Variants in CLPTM1 observed in about 807,000 individuals in gnomAD.
CLPTM1 encodes putative lipid scramblase CLPTM1.
A neutral mutation model predicts 77.3 loss-of-function variants in CLPTM1; 21 were observed. The observed-to-expected ratio is 0.27, with a 90% confidence interval of 0.19 to 0.39. The LOEUF (loss-of-function observed/expected upper bound fraction) is 0.39, where lower values mean the gene tolerates loss of function less well. Ranked by LOEUF, CLPTM1 falls within the 10% of genes least tolerant of loss-of-function variation. The pLI, the probability that CLPTM1 is intolerant of heterozygous loss-of-function variation, is 1.00. For missense variants in CLPTM1, 642 were observed against 921.2 expected (o/e 0.70, Z 3.92); for synonymous variants, 373 against 381.0 (o/e 0.98, Z 0.24).
In CLPTM1 at chr19:44,990,367, C is replaced by G. The variant is rs1354558006; in HGVS notation, c.1133-28C>G. The stretch of plus-strand genomic sequence containing the variant: ...AGGGTCTCAGCACCTCCTCAGCCTC[C>G]TGGTTCCCCCCTACCCCCTGCGCAC... On this transcript the variant is annotated intron_variant, in intron 9 of 13. Coordinates refer to ENST00000337392, the MANE Select transcript of CLPTM1 (RefSeq NM_001294.4). The surrounding 1 kb of genome is among the most constrained non-coding windows in gnomAD (Gnocchi z 4.8). 6.2e-7 allele frequency: 1 copy of G among 1,608,196 alleles called. No individual in the cohort carries two copies.
intron 2 of CLPTM1, among the ~76,000 whole-genome samples, chr19:44,970,943 G>T (rs1043934067): frequency 2.1e-5 from 3 of 145,128 alleles, no homozygotes; most frequent in Non-Finnish European, 3.0e-5. Context: ...CGATTCTCCT[G>T]CCCCAGCTTC....
chr19:44,972,254 C>CTT (rs538662344), intron 2 of CLPTM1, among the ~76,000 whole-genome samples: 5 of 140,526 alleles, frequency 3.6e-5, no homozygotes, highest in Admixed American at 2.1e-4. Context: ...CTCATTCATT[C>CTT]TTTTTTTTTT....
Position 44,957,155 on chromosome 19 carries a change from T to C in CLPTM1, c.72+1688T>C, listed in dbSNP as rs79202172. Among the ~76,000 whole-genome samples, 622 of 152,360 alleles carry C rather than the reference T, an allele frequency of 4.1e-3. 6 individuals carry two copies. The highest frequency in any genetic ancestry group is 0.014 in the African/African-American group (594 of 41,584). ...TAAAGGGGATCCGCTGCTCTGAACC[T>C]ATTTTATTTCTAAACCTCTTTTATT... On this transcript the variant is annotated intron_variant, in intron 1 of 13. Transcript: ENST00000337392.
intron 4 of CLPTM1, among the ~76,000 whole-genome samples, chr19:44,976,332 C>T (rs141411488): frequency 8.5e-5 from 13 of 152,290 alleles, no homozygotes; most frequent in African/African-American, 2.6e-4. Context: ...ACTTAAAAGG[C>T]AGGAGAGCTG....
At position 44,992,089 on chromosome 19, in the gene CLPTM1, G is replaced by A. The variant is rs1971084995; in HGVS notation, c.1556-144G>A. On this transcript the variant is annotated intron_variant, in intron 12 of 13. Transcript: ENST00000337392. The surrounding 1 kb of genome is among the most constrained non-coding windows in gnomAD (Gnocchi z 7.7). ...AGAAGGCCCCACCAGTGCAGAGGCC[G>A]CTGGTAGAGTGTGCCCAGGTATAGG... is the stretch of plus-strand genomic sequence containing the variant. 1.3e-6 allele frequency: 1 copy of A among 759,120 alleles called. No individual in the cohort carries two copies. Among genetic ancestry groups the A allele is most frequent in the Non-Finnish European group, 2.1e-6 (1 of 468,292 alleles). The allele number at this position is 759,120 out of a possible 1,614,324, so 47.0% of individuals were successfully genotyped here. A position where few individuals can be genotyped will look rare whatever the true frequency, so the allele number is the denominator to read the frequency against.
rs150176722 is a variant in CLPTM1 at position 44,970,660 on chromosome 19, G to A, written c.186-2427G>A. Among the ~76,000 whole-genome samples, 19 of 146,498 alleles carry A rather than the reference G, an allele frequency of 1.3e-4. 2 individuals are homozygous for A. Among genetic ancestry groups the A allele is most frequent in the African/African-American group, 3.5e-4 (13 of 37,276 alleles). On this transcript the variant is annotated intron_variant, in intron 2 of 13. Transcript: ENST00000337392. ...AATCCACCTACCTCAGCCTCCCAGC[G>A]TGCTGGGGTTACAGGTGTGAGCCAC...
At chr19:44,954,895 G>C (rs1016857390), upstream of CLPTM1, 8 of 1,329,354 alleles carry the variant, frequency 6.0e-6, 1 homozygote, top group African/African-American at 8.8e-5. Context: ...CAGAAGACAA[G>C]GGTGCTGGGC....
At chr19:44,981,416 C>T (rs552364529) in intron 5 of CLPTM1, among the ~76,000 whole-genome samples, 3 of 150,476 alleles carry the variant, frequency 2.0e-5, no homozygotes, top group East Asian at 4.1e-4. Flanking sequence ...GTTGGGATTA[C>T]AGGCGTGAGC....
chr19:44,983,617 CAAAAAAAAAAAAAAAAAAA>C (rs35582067), intron 5 of CLPTM1, among the ~76,000 whole-genome samples: 5 of 39,790 alleles, frequency 1.3e-4, no homozygotes, highest in Admixed American at 4.6e-4. Context: ...GACTCTGTCT[CAAAAAAAAAAAAAAAAAAA>C]AAAAAAAAAG....
At chr19:44,982,996 G>A (rs1393640675) in intron 5 of CLPTM1, among the ~76,000 whole-genome samples, 1 of 151,992 alleles carries the variant, frequency 6.6e-6, no homozygotes, top group African/African-American at 2.4e-5. Context: ...AGGAGGCAGA[G>A]GTTACAGTGA....
At chr19:44,961,839 A>G (rs1600009584) in intron 1 of CLPTM1, 124 bp from the exon 2 acceptor site, 1 of 543,862 alleles carries the variant, frequency 1.8e-6, no homozygotes, top group Non-Finnish European at 3.2e-6. Context: ...TCACTGATTC[A>G]TTCTCCAGTT....
intron 2 of CLPTM1, among the ~76,000 whole-genome samples, chr19:44,970,703 A>G (rs1970703792): frequency 7.0e-6 from 1 of 142,660 alleles, no homozygotes; most frequent in African/African-American, 2.8e-5. Context: ...AGCCTAGGCC[A>G]GCATTTTTGT....
rs751016937 is a variant in CLPTM1 at position 44,974,495 on chromosome 19, G to A, written c.366G>A (p.Ser122=). 8 of 1,614,018 alleles carry A rather than the reference G, an allele frequency of 5.0e-6. No individual in the cohort carries two copies. The highest frequency in any genetic ancestry group is 5.1e-6 in the Non-Finnish European group (6 of 1,180,018). Residue 122 remains serine (S), a synonymous_variant, in exon 4 of 14, where the codon TCG becomes TCA. Transcript: ENST00000337392. ...HEHFTDFNAT[S]ALFWEQHDLV... is the part of the protein sequence containing the mutation. ...ACTTTACAGACTTCAACGCCACGTC[G>A]GCACTCTTCTGGGAACAGCACGATC...
At chr19:44,955,253 C>T (rs908264651), upstream of CLPTM1, 10 of 1,487,948 alleles carry the variant, frequency 6.7e-6, no homozygotes, top group African/African-American at 2.8e-5. Flanking sequence ...CGGAAGTGGC[C>T]TTCCTGAGAG....
chr19:44,961,025 T>G (rs1457158467), intron 1 of CLPTM1, among the ~76,000 whole-genome samples: 1 of 152,130 alleles, frequency 6.6e-6, no homozygotes, highest in Non-Finnish European at 1.5e-5. Flanking sequence ...TGTGTCTGAG[T>G]GAAGAGTCCT....
At position 44,955,407 on chromosome 19, in the gene CLPTM1, G is replaced by C; in HGVS notation, c.12G>C (p.Ala4=). Residue 4 remains alanine (A), a synonymous_variant, in exon 1 of 14, where the codon GCG becomes GCC. Coordinates refer to ENST00000337392, the MANE Select transcript of CLPTM1 (RefSeq NM_001294.4). ...CCCGGAGCGGGAAGATGGCGGCGGC[G>C]CAGGAGGCGGACGGGGCCCGCAGCG... MAA[A]QEADGARSAV... The C allele has an allele frequency of 7.5e-7, 1 of 1,338,376 alleles. No homozygotes were observed. 82.9% of individuals were successfully genotyped at this position (1,338,376 alleles called of 1,614,324 possible).
chr19:44,983,648 A>G (rs1399961578), intron 5 of CLPTM1, among the ~76,000 whole-genome samples: 8 of 148,288 alleles, frequency 5.4e-5, no homozygotes, highest in Middle Eastern at 3.6e-3. Flanking sequence ...AAAAAAAAGA[A>G]AAGAAAAAAG....
intron 1 of CLPTM1, among the ~76,000 whole-genome samples, chr19:44,956,906 T>C (rs1170616474): frequency 6.6e-6 from 1 of 152,194 alleles, no homozygotes; most frequent in Non-Finnish European, 1.5e-5. Context: ...TAGACTAGGA[T>C]TTCTCGAGCT....
chr19:44,978,609 G>C (rs992438360), intron 5 of CLPTM1, among the ~76,000 whole-genome samples: 1 of 151,576 alleles, frequency 6.6e-6, no homozygotes, highest in Admixed American at 6.6e-5. Context: ...TTCCAGCCTG[G>C]GCGACAGAGC....
Sources: allele counts gnomAD v4.1 joint callset (sites outside exome capture counted in the v4.1 genomes callset), GRCh38; gene constraint gnomAD v4.1.1; non-coding constraint Gnocchi (gnomAD v3.1); transcripts MANE v1.5; gene names NCBI Gene and HGNC (gene_info 2026-07-23, HGNC 2026-07-21).